The following POLH variants were observed in gnomAD, a reference collection of about 807,000 sequenced individuals.
POLH encodes DNA polymerase eta transcript.
Under a neutral mutation model 73.6 loss-of-function variants are expected in POLH, and 53 were observed. The observed-to-expected ratio is 0.72, with a 90% CI of 0.58 to 0.91. The LOEUF is 0.91. Among genes scored for constraint, POLH ranks in the 40% least tolerant of loss-of-function variants. The pLI, the probability that POLH is intolerant of heterozygous loss-of-function variation, is 0.00. For missense variants in POLH, 768 were observed against 865.4 expected, an observed-to-expected ratio of 0.89 and a Z score of 1.41; for synonymous variants, 292 against 308.5, an observed-to-expected ratio of 0.95 and a Z score of 0.56.
At position 43,601,052 on chromosome 6, in the gene POLH, C is replaced by T; in HGVS notation, c.725C>T (p.Ser242Leu). ...CGCCAAACCCTGGTTTCACATGGGT[C>T]AGTCCCACAGCTCTTCAGCCAAATG... ...PNRQTLVSHG[S>L]VPQLFSQMPI... Residue 242 changes from serine (S) to leucine (L), a missense_variant, in exon 6 of 11, where the codon TCA becomes TTA. Physicochemically the swap from Ser to Leu is moderately radical, Grantham distance 145. Transcript: ENST00000372236. The T allele has an allele frequency of 6.2e-7, 1 of 1,613,974 alleles. No individual in the cohort carries two copies. Among genetic ancestry groups the T allele is most frequent in the South Asian group, 1.1e-5 (1 of 91,064 alleles).
chr6:43,581,001 C>T (rs1764108440), intron 1 of POLH, among the ~76,000 whole-genome samples: 1 of 147,008 alleles, frequency 6.8e-6, no homozygotes, highest in Non-Finnish European at 1.5e-5. Flanking sequence ...TGACCCCCCC[C>T]CACCTCCCTC....
chr6:43,614,298 C>T lies in POLH; in HGVS notation c.1883C>T (p.Ala628Val). 6.3e-7 allele frequency: 1 copy of T among 1,599,004 alleles called. No individual in the cohort carries two copies. Among genetic ancestry groups the T allele is most frequent in the Non-Finnish European group, 8.5e-7 (1 of 1,170,980 alleles). Reference protein sequence around the residue: ...QKATPNPSLLAAEDQVPCEKC... With the variant: ...QKATPNPSLLVAEDQVPCEKC... ...GCAACCCCAAATCCAAGTCTTCTAG[C>T]TGCTGAGGACCAAGTGCCCTGTGAG... The change falls in exon 11 of 11, where the codon GCT becomes GTT. Residue 628 changes from alanine to valine, a missense_variant. Coordinates refer to ENST00000372236, the MANE Select transcript of POLH (RefSeq NM_006502.3).
rs966806741 is a variant in POLH at position 43,615,554 on chromosome 6, C to G, written c.*997C>G. ...TGGGCAACAGAGCGAGACTCCATCT[C>G]AAACAAAAACAAGAACAAAAACAAA... On this transcript the variant is annotated 3_prime_UTR_variant, in exon 11 of 11. Coordinates refer to ENST00000372236, the MANE Select transcript of POLH (RefSeq NM_006502.3). 1 of 150,994 alleles carries G rather than the reference C, an allele frequency of 6.6e-6. No homozygotes were observed. Among genetic ancestry groups the G allele is most frequent in the Non-Finnish European group, 1.5e-5 (1 of 67,914 alleles). 9.4% of individuals were successfully genotyped at this position (150,994 alleles called of 1,614,324 possible).
rs1402246426 is a variant in POLH, at chr6:43,601,029, C to T, written c.702C>T (p.Arg234=). Residue 234 remains arginine, a synonymous_variant, in exon 6 of 11, where the codon CGC becomes CGT. Transcript: ENST00000372236. ...KLACGLNKPN[R]QTLVSHGSVP... ...CCTGTGGACTAAACAAGCCCAACCG[C>T]CAAACCCTGGTTTCACATGGGTCAG... 6.2e-7 allele frequency: 1 copy of T among 1,614,166 alleles called. No individual in the cohort carries two copies. The highest frequency in any genetic ancestry group is 2.2e-5 in the East Asian group (1 of 44,888).
chr6:43,597,959 C>A, intron 5 of POLH, 94 bp downstream of exon 5: 1 of 1,167,456 alleles, frequency 8.6e-7, no homozygotes, highest in Non-Finnish European at 1.3e-6. Context: ...ACACATAGGC[C>A]GGGTGCAGTT....
At chr6:43,592,588 A>AT (rs965568694) in intron 4 of POLH, among the ~76,000 whole-genome samples, 6 of 150,716 alleles carry the variant, frequency 4.0e-5, no homozygotes, top group South Asian at 2.1e-4. Context: ...ATTTTTTTGT[A>AT]TTTTTTTTAG....
intron 6 of POLH, 41 bp downstream of exon 6, chr6:43,601,132 T>C (rs763234525): frequency 1.0e-5 from 14 of 1,360,296 alleles, no homozygotes; most frequent in Non-Finnish European, 1.5e-5. Context: ...CTTCTATCCA[T>C]GTGTAGAAAC....
At chr6:43,585,727 C>T (rs1364807231) in intron 3 of POLH, among the ~76,000 whole-genome samples, 1 of 149,994 alleles carries the variant, frequency 6.7e-6, no homozygotes, top group Admixed American at 6.7e-5. Flanking sequence ...CTCACCACAA[C>T]CTCCATCTCT....
At chr6:43,608,547 G>T (rs1266451145) in intron 9 of POLH, among the ~76,000 whole-genome samples, 1 of 152,084 alleles carries the variant, frequency 6.6e-6, no homozygotes, top group Non-Finnish European at 1.5e-5. Flanking sequence ...TAAGAGACAG[G>T]GTCTTGGCTG....
intron 5 of POLH, 64 bp downstream of exon 5, chr6:43,597,929 A>G: frequency 7.2e-7 from 1 of 1,391,196 alleles, no homozygotes; most frequent in Non-Finnish European, 1.0e-6. Flanking sequence ...CAGTAGGGAC[A>G]GTGGGACATT....
rs1390669831 is a variant in POLH, at chr6:43,614,438, T to C, written c.2023T>C (p.Ser675Pro). 1.2e-6 allele frequency: 2 copies of C among 1,614,102 alleles called. No homozygotes were observed. The highest frequency in any genetic ancestry group is 1.7e-6 in the Non-Finnish European group (2 of 1,180,056). ...QPHSSNPQVV[S>P]AVSHQGKRNP... is the part of the protein sequence containing the mutation. ...CCACTCTTCAAACCCCCAGGTTGTT[T>C]CTGCCGTATCTCATCAAGGCAAAAG... Residue 675 changes from serine (S) to proline (P), a missense_variant, in exon 11 of 11, where the codon TCT (serine) becomes CCT (proline). Physicochemically the swap from Ser to Pro is moderately conservative, Grantham distance 74. Transcript: ENST00000372236.
intron 3 of POLH, among the ~76,000 whole-genome samples, chr6:43,586,582 TGA>T (rs1235161803): frequency 6.6e-6 from 1 of 152,208 alleles, no homozygotes; most frequent in East Asian, 1.9e-4. Context: ...AGACATACGA[TGA>T]GATTGGTATG....
intron 1 of POLH, among the ~76,000 whole-genome samples, chr6:43,579,747 G>A (rs1035748884): frequency 1.3e-5 from 2 of 152,046 alleles, no homozygotes; most frequent in Admixed American, 6.5e-5. Context: ...GAGATCTGAC[G>A]CTTTCTCCAG....
chr6:43,596,856 C>G (rs57982204), intron 4 of POLH, among the ~76,000 whole-genome samples: 2 of 152,172 alleles, frequency 1.3e-5, no homozygotes, highest in South Asian at 4.2e-4. Context: ...TTTCAAGGTC[C>G]TAAGTCCCAA....
chr6:43,618,878 G>A lies in POLH; in HGVS notation c.*4321G>A, dbSNP rs890487004. On this transcript the variant is annotated 3_prime_UTR_variant, in exon 11 of 11. Transcript: ENST00000372236. ...ACTCTTGATCTCAAGTGATCCACCCGCCCTGGCCTCCCAAAGTGCTGGGAT... is the reference window on the plus strand; with the variant it reads ...ACTCTTGATCTCAAGTGATCCACCCACCCTGGCCTCCCAAAGTGCTGGGAT... Among the ~76,000 whole-genome samples the A allele has an allele frequency of 1.3e-5, 2 of 151,250 alleles. No individual in the cohort carries two copies. Among genetic ancestry groups the A allele is most frequent in the East Asian group, 1.9e-4 (1 of 5,132 alleles).
In POLH at chr6:43,597,877, T is replaced by C. The variant is rs1240859836; in HGVS notation, c.660+12T>C. ...TTTCACACAATAAGGTGAAGGCTAA[T>C]AGTAGATTTCAAAGAGAAACATTGA... On this transcript the variant is annotated intron_variant, in intron 5 of 10. Transcript: ENST00000372236. 6.2e-7 allele frequency: 1 copy of C among 1,603,052 alleles called. No homozygotes were observed. The highest frequency in any genetic ancestry group is 8.5e-7 in the Non-Finnish European group (1 of 1,170,110).
chr6:43,602,162 T>G (rs1453919871), intron 6 of POLH, among the ~76,000 whole-genome samples: 2 of 152,226 alleles, frequency 1.3e-5, no homozygotes, highest in Admixed American at 1.3e-4. Context: ...AAATAGGAAT[T>G]TTACTTCTTT....
At chr6:43,580,921 A>G (rs1366021453) in intron 1 of POLH, among the ~76,000 whole-genome samples, 4 of 139,294 alleles carry the variant, frequency 2.9e-5, no homozygotes, top group East Asian at 2.3e-4. Flanking sequence ...CCCGGACGGC[A>G]CGGCTGGCCA....
chr6:43,609,732 T>G (rs1459459195), intron 9 of POLH, among the ~76,000 whole-genome samples: 1 of 152,202 alleles, frequency 6.6e-6, no homozygotes, highest in East Asian at 1.9e-4. Context: ...AGATATGACT[T>G]GAAGCCTAGT....
Sources: allele counts gnomAD v4.1 joint callset (sites outside exome capture counted in the v4.1 genomes callset), GRCh38; gene constraint gnomAD v4.1.1; transcripts MANE v1.5; gene names NCBI Gene and HGNC (gene_info 2026-07-23, HGNC 2026-07-21).